The following SGK1 variants were observed in gnomAD, a reference collection of about 807,000 sequenced individuals.
SGK1 encodes the protein serum/glucocorticoid regulated kinase 1.
SGK1 carries 26 observed loss-of-function variants against 64.2 expected under a neutral mutation model. The observed-to-expected ratio is 0.40, with a 90% CI of 0.30 to 0.56. The LOEUF is 0.56. SGK1 is among the 20% of genes least tolerant of loss of function. The pLI is 0.38. For missense variants in SGK1, 519 were observed against 645.6 expected, an observed-to-expected ratio of 0.80 and a Z score of 2.12; for synonymous variants, 265 against 239.7, an observed-to-expected ratio of 1.11 and a Z score of -0.98.
chr6:134,254,880 T>C (rs1387912645), intron 2 of SGK1, among the ~76,000 whole-genome samples: 1 of 152,174 alleles, frequency 6.6e-6, no homozygotes. Context: ...TTTTTTTTTC[T>C]TTTTTGAGAC....
intron 1 of SGK1, among the ~76,000 whole-genome samples, chr6:134,291,940 G>A (rs906939781): frequency 6.6e-6 from 1 of 151,768 alleles, no homozygotes; most frequent in African/African-American, 2.4e-5. Context: ...GGTGGCACGT[G>A]CTTTTAATCC....
At chr6:134,189,529 A>G (rs907081399) in intron 3 of SGK1, among the ~76,000 whole-genome samples, 2 of 152,228 alleles carry the variant, frequency 1.3e-5, no homozygotes, top group African/African-American at 4.8e-5. Flanking sequence ...TTAAAATTAC[A>G]TCGTACTCTC....
Position 134,170,397 on chromosome 6 carries a change from A to G in SGK1, c.1452T>C (p.Phe484=). 1 of 1,613,980 alleles carries G rather than the reference A, an allele frequency of 6.2e-7. No individual in the cohort carries two copies. Among genetic ancestry groups the G allele is most frequent in the Non-Finnish European group, 8.5e-7 (1 of 1,179,882 alleles). ...TGGAGTTGGGGACAGGCTCTTCGGT[A>G]AACTCGGGGTCAAAGTGCCGTAGGT... is the stretch of plus-strand genomic sequence containing the variant. ...PNDLRHFDPE[F]TEEPVPNSIG... Residue 484 remains phenylalanine (F), a synonymous_variant, in exon 14 of 14, where the codon TTT becomes TTC. Transcript: ENST00000367858.
At chr6:134,276,835 T>C (rs1303931262) in intron 1 of SGK1, among the ~76,000 whole-genome samples, 2 of 152,122 alleles carry the variant, frequency 1.3e-5, no homozygotes, top group African/African-American at 4.8e-5. Flanking sequence ...GTGGATAGTT[T>C]GAGCTCAGGT....
At chr6:134,281,819 C>G (rs1306864998) in intron 1 of SGK1, among the ~76,000 whole-genome samples, 1 of 152,166 alleles carries the variant, frequency 6.6e-6, no homozygotes, top group Non-Finnish European at 1.5e-5. Flanking sequence ...TTCTGATATG[C>G]TATAACCAGA....
chr6:134,200,425 C>T (rs1775662772), intron 3 of SGK1, among the ~76,000 whole-genome samples: 1 of 152,316 alleles, frequency 6.6e-6, no homozygotes, highest in East Asian at 1.9e-4. Flanking sequence ...CAACTGAGCA[C>T]GCTAGTCCTG....
At chr6:134,297,262 T>G (rs1359778704) in intron 1 of SGK1, 2 of 1,234,482 alleles carry the variant, frequency 1.6e-6, no homozygotes, top group Non-Finnish European at 2.4e-6. Context: ...TAGGTTGCGA[T>G]CTCAATGTCC....
intron 2 of SGK1, among the ~76,000 whole-genome samples, chr6:134,255,729 C>T (rs1037857732): frequency 5.3e-5 from 8 of 151,726 alleles, no homozygotes; most frequent in African/African-American, 1.2e-4. Context: ...GGATTACAGG[C>T]GCCCGCCACC....
chr6:134,236,498 G>T (rs1236731534), intron 2 of SGK1, among the ~76,000 whole-genome samples: 2 of 151,988 alleles, frequency 1.3e-5, no homozygotes, highest in Non-Finnish European at 2.9e-5. Context: ...ATGGTGACAC[G>T]TGCCTGTAGC....
intron 3 of SGK1, among the ~76,000 whole-genome samples, chr6:134,206,182 G>T (rs542559680): frequency 9.3e-4 from 140 of 151,248 alleles, no homozygotes; most frequent in South Asian, 1.3e-3. Context: ...TTCACCCTAG[G>T]TTTTCAAATC....
chr6:134,311,868 G>A (rs943051148), intron 1 of SGK1, among the ~76,000 whole-genome samples: 1 of 152,100 alleles, frequency 6.6e-6, no homozygotes, highest in African/African-American at 2.4e-5. Flanking sequence ...AACATATCTT[G>A]AAAAAATCTA....
chr6:134,177,661 A>G (rs761073910), intron 3 of SGK1: 1 of 1,613,548 alleles, frequency 6.2e-7, no homozygotes, highest in East Asian at 2.2e-5. Context: ...GTAAGTACGA[A>G]CCTTTCAAAG....
chr6:134,250,818 G>C lies in SGK1; in HGVS notation c.285+11115C>G, dbSNP rs188638828. 2.6e-5 allele frequency among the ~76,000 whole-genome samples: 4 copies of C among 152,188 alleles called. No individual in the cohort carries two copies. The East Asian group carries it at 7.7e-4, about 29-fold the overall frequency. On this transcript the variant is annotated intron_variant, in intron 2 of 13. Coordinates refer to ENST00000367858, the MANE Select transcript of SGK1 (RefSeq NM_001143676.3). ...AAACAGGGTCTCACTCTGTTGTTCA[G>C]GCTGCAGTGCAGTGGCAAGATCATG...
intron 1 of SGK1, chr6:134,297,277 C>G (rs1777370989): frequency 7.9e-7 from 1 of 1,267,232 alleles, no homozygotes; most frequent in Non-Finnish European, 1.1e-6. Flanking sequence ...ATGTCCAGGG[C>G]CAGCTTGACG....
intron 2 of SGK1, among the ~76,000 whole-genome samples, chr6:134,215,560 T>C (rs13203172): frequency 0.57 from 85,932 of 151,980 alleles, 29,308 homozygotes; most frequent in South Asian, 0.84. Context: ...TCCATTCTAG[T>C]TCATCCTTAT....
rs558615801 is a variant in SGK1, at chr6:134,169,976, C to A, written c.*292G>T. On this transcript the variant is annotated 3_prime_UTR_variant, in exon 14 of 14. Coordinates refer to ENST00000367858, the MANE Select transcript of SGK1 (RefSeq NM_001143676.3). Reference sequence around the variant, plus strand: ...CTGCAGGAGACCTTTTTTAGAACAGCGTCCGCTTTCTAACGAAACTCCTGC... The same window carrying A: ...CTGCAGGAGACCTTTTTTAGAACAGAGTCCGCTTTCTAACGAAACTCCTGC... 9.3e-5 allele frequency: 20 copies of A among 215,384 alleles called. No individual in the cohort carries two copies. Among genetic ancestry groups the A allele is most frequent in the Non-Finnish European group, 1.5e-4 (16 of 107,738 alleles). 13.3% of individuals were successfully genotyped at this position (215,384 alleles called of 1,614,324 possible). A position where few individuals can be genotyped will look rare whatever the true frequency, so the allele number is the denominator to read the frequency against.
chr6:134,273,798 G>T lies in SGK1; in HGVS notation c.70-11650C>A, dbSNP rs953759196. Among the ~76,000 whole-genome samples the T allele has an allele frequency of 2.6e-5, 4 of 151,410 alleles. No individual in the cohort carries two copies. In the Admixed American group the frequency reaches 2.6e-4, roughly 10 times the overall value. On this transcript the variant is annotated intron_variant, in intron 1 of 13. Coordinates refer to ENST00000367858, the MANE Select transcript of SGK1 (RefSeq NM_001143676.3). ...AGTTTAGGTCATGGGGCAATGAGGG[G>T]ACCCTGAAGTATTTATTTTTATTTA...
intron 2 of SGK1, among the ~76,000 whole-genome samples, chr6:134,242,222 A>G (rs1776459712): frequency 1.3e-5 from 2 of 152,010 alleles, no homozygotes; most frequent in South Asian, 4.2e-4. Context: ...GCGGTGGCTC[A>G]CGCCTGTAAT....
chr6:134,185,555 A>AGTGTGTGTGTGTGTGTGTGTGTGTGT (rs55653141), intron 3 of SGK1, among the ~76,000 whole-genome samples: 3 of 145,314 alleles, frequency 2.1e-5, no homozygotes, highest in Non-Finnish European at 4.5e-5. Context: ...TATCTCTATG[A>AGTGTGTGTGTGTGTGTGTGTGTGTGT]GTGTGTGTGT....
Sources: allele counts gnomAD v4.1 joint callset (sites outside exome capture counted in the v4.1 genomes callset), GRCh38; gene constraint gnomAD v4.1.1; transcripts MANE v1.5; gene names NCBI Gene and HGNC (gene_info 2026-07-23, HGNC 2026-07-21).